Variants in PIAS1 observed in about 807,000 individuals in gnomAD.
The protein encoded by PIAS1 is protein inhibitor of activated STAT 1.
In PIAS1, 6 loss-of-function variants were observed where a neutral mutation model predicts 71.3. The ratio of observed to expected loss-of-function variants is 0.08; its 90% CI spans 0.05 to 0.17. PIAS1 has a LOEUF of 0.17. Among genes scored for constraint, PIAS1 ranks in the 10% least tolerant of loss-of-function variants. The pLI is 1.00. For missense variants in PIAS1, 555 were observed against 793.6 expected, an observed-to-expected ratio of 0.70 and a Z score of 3.61; for synonymous variants, 303 against 292.9, an observed-to-expected ratio of 1.03 and a Z score of -0.35.
chr15:68,099,132 TG>T (rs2092402354), intron 2 of PIAS1, among the ~76,000 whole-genome samples: 1 of 149,130 alleles, frequency 6.7e-6, no homozygotes, highest in Non-Finnish European at 1.5e-5. Context: ...GGGTGAAGTT[TG>T]TTGTTGTTGT....
chr15:68,075,828 C>T (rs1426412219), intron 1 of PIAS1, among the ~76,000 whole-genome samples: 2 of 145,258 alleles, frequency 1.4e-5, no homozygotes, highest in African/African-American at 5.1e-5. Flanking sequence ...GCTGCGCAGG[C>T]TGGAGTGCAA....
rs1467230565 is a variant in PIAS1 at position 68,186,624 on chromosome 15, A to G, written c.1663-918A>G. On this transcript the variant is annotated intron_variant, in intron 13 of 13. Coordinates refer to ENST00000249636, the MANE Select transcript of PIAS1 (RefSeq NM_016166.3). The surrounding 1 kb of genome is among the most constrained non-coding windows in gnomAD (Gnocchi z 4.4). ...TAAGCCTCACATTCACTCACCATTC[A>G]CTCACTGGCTCACCCAGAGCAACTT... is the stretch of plus-strand genomic sequence containing the variant. 6.6e-6 allele frequency among the ~76,000 whole-genome samples: 1 copy of G among 152,114 alleles called. No homozygotes were observed. The highest frequency in any genetic ancestry group is 1.5e-5 in the Non-Finnish European group (1 of 68,024).
intron 2 of PIAS1, among the ~76,000 whole-genome samples, chr15:68,122,455 G>T (rs539551962): frequency 6.6e-6 from 1 of 152,252 alleles, no homozygotes; most frequent in East Asian, 1.9e-4. Context: ...GCAACTATTG[G>T]ATGGTTTAGA....
At chr15:68,089,540 C>G (rs1160468465) in intron 2 of PIAS1, among the ~76,000 whole-genome samples, 1 of 152,130 alleles carries the variant, frequency 6.6e-6, no homozygotes, top group Non-Finnish European at 1.5e-5. Flanking sequence ...CCTGCATGCT[C>G]TCATAACATT....
chr15:68,075,213 G>C (rs2092148773), intron 1 of PIAS1, among the ~76,000 whole-genome samples: 1 of 150,320 alleles, frequency 6.7e-6, no homozygotes, highest in East Asian at 2.0e-4. Flanking sequence ...AGCCTCCTGA[G>C]TAGCTGGAAT....
chr15:68,086,518 C>T lies in PIAS1; in HGVS notation c.237C>T (p.Asn79=), dbSNP rs34057488. Residue 79 remains asparagine (N), a synonymous_variant, in exon 2 of 14, where the codon AAC becomes AAT. Transcript: ENST00000249636. This position sits in a 1 kb window ranked among gnomAD's most constrained non-coding sequence, Gnocchi z 7.2. ...IMTPADLSIP[N]VHSSPMPATL... is the part of the protein sequence containing the mutation. The stretch of plus-strand genomic sequence containing the variant: ...CGCCTGCAGACTTGTCCATCCCCAA[C>T]GTACATTCAAGTCCTATGCCAGCAA... 1,265 of 1,613,758 alleles carry T rather than the reference C, an allele frequency of 7.8e-4. 3 individuals carry two copies. In the African/African-American group the frequency reaches 0.012, roughly 15 times the overall value.
chr15:68,087,872 G>A (rs764415492), intron 2 of PIAS1: 3 of 331,800 alleles, frequency 9.0e-6, no homozygotes, highest in South Asian at 7.0e-5. Context: ...GAAGATTATA[G>A]GAGTCATTTT....
At chr15:68,096,767 C>A (rs969564668) in intron 2 of PIAS1, among the ~76,000 whole-genome samples, 2 of 151,986 alleles carry the variant, frequency 1.3e-5, no homozygotes, top group African/African-American at 4.8e-5. Flanking sequence ...GATTTTGTAT[C>A]CTGCAGTTTT....
chr15:68,101,316 C>G (rs142996902), intron 2 of PIAS1, among the ~76,000 whole-genome samples: 37 of 139,666 alleles, frequency 2.6e-4, no homozygotes, highest in African/African-American at 9.9e-4. Context: ...TGTCTTTTGT[C>G]TTTTCTAATT....
At chr15:68,151,959 T>TTC (rs1408227415) in intron 6 of PIAS1, among the ~76,000 whole-genome samples, 1 of 116,420 alleles carries the variant, frequency 8.6e-6, no homozygotes, top group South Asian at 3.4e-4. Context: ...TTTTTTTTTT[T>TTC]TGGGGGGGGA....
At chr15:68,179,330 G>T (rs2093038099) in intron 11 of PIAS1, among the ~76,000 whole-genome samples, 1 of 152,132 alleles carries the variant, frequency 6.6e-6, no homozygotes, top group Non-Finnish European at 1.5e-5. Flanking sequence ...TCAAAGACTA[G>T]CATTTTAAAT....
At chr15:68,065,588 G>GAAA (rs572054813) in intron 1 of PIAS1, among the ~76,000 whole-genome samples, 6 of 117,606 alleles carry the variant, frequency 5.1e-5, no homozygotes, top group African/African-American at 6.4e-5. Flanking sequence ...CCTGTCTCGA[G>GAAA]AAAAAAAAAA....
At chr15:68,133,030 C>T (rs1406040577) in intron 2 of PIAS1, among the ~76,000 whole-genome samples, 1 of 149,926 alleles carries the variant, frequency 6.7e-6, no homozygotes, top group Non-Finnish European at 1.5e-5. Flanking sequence ...ATTATTACTT[C>T]CTCTCTTACA....
intron 7 of PIAS1, 48 bp downstream of exon 7, chr15:68,153,743 T>C (rs1281625097): frequency 1.0e-6 from 1 of 971,738 alleles, no homozygotes; most frequent in East Asian, 2.4e-5. Flanking sequence ...TTGTTAAAGG[T>C]TAGAGTAGTA....
intron 8 of PIAS1, among the ~76,000 whole-genome samples, chr15:68,172,113 T>C (rs2141088126): frequency 6.6e-6 from 1 of 151,402 alleles, no homozygotes; most frequent in Admixed American, 6.6e-5. Flanking sequence ...CCGCCCTGTG[T>C]CCAAGTGTTC....
intron 11 of PIAS1, among the ~76,000 whole-genome samples, chr15:68,179,564 C>CTTTTTTTTTTTT (rs766344324): frequency 0.032 from 1,284 of 40,082 alleles, 449 homozygotes; most frequent in Middle Eastern, 0.077. Flanking sequence ...GTGAAATGTT[C>CTTTTTTTTTTTT]TTTTTTTTTT....
At chr15:68,118,334 A>AAT (rs1555428096) in intron 2 of PIAS1, among the ~76,000 whole-genome samples, 49 of 150,578 alleles carry the variant, frequency 3.3e-4, no homozygotes, top group East Asian at 1.4e-3. Context: ...AAAAAAAAAA[A>AAT]AATAATAATA....
intron 2 of PIAS1, among the ~76,000 whole-genome samples, chr15:68,135,570 G>A (rs2092725542): frequency 2.0e-5 from 1 of 50,418 alleles, no homozygotes; most frequent in South Asian, 4.9e-4. Flanking sequence ...AGGGGTGAAC[G>A]GGCAGAGGCG....
rs749548641 is a variant in PIAS1, at chr15:68,181,318, C to G, written c.1588C>G (p.Pro530Ala). The G allele has an allele frequency of 6.2e-7, 1 of 1,613,754 alleles. No individual in the cohort carries two copies. The highest frequency in any genetic ancestry group is 1.7e-5 in the Admixed American group (1 of 60,024). ...CTCCCTCATCCAAGACTATAGGCAT[C>G]CTTTCCACATGACACCCATGCCTTA... ...NTSLIQDYRH[P>A]FHMTPMPYDL... The change falls in exon 12 of 14, where the codon CCT becomes GCT. Residue 530 changes from proline to alanine, a missense_variant. By Grantham distance (27) the Pro-to-Ala change is conservative (BLOSUM62 -1). Coordinates refer to ENST00000249636, the MANE Select transcript of PIAS1 (RefSeq NM_016166.3).
Sources: allele counts gnomAD v4.1 joint callset (sites outside exome capture counted in the v4.1 genomes callset), GRCh38; gene constraint gnomAD v4.1.1; non-coding constraint Gnocchi (gnomAD v3.1); transcripts MANE v1.5; gene names NCBI Gene and HGNC (gene_info 2026-07-23, HGNC 2026-07-21).